Variants in MPPED1 observed in about 807,000 individuals in gnomAD.
MPPED1 encodes the protein metallophosphoesterase domain-containing protein 1.
In MPPED1, 16 loss-of-function variants were observed where a neutral mutation model predicts 36.2. The observed-to-expected ratio is 0.44, with a 90% CI of 0.30 to 0.67. The LOEUF is 0.67. MPPED1 is among the 30% of genes least tolerant of loss of function. The pLI is 0.10. For synonymous variants in MPPED1, 199 were observed against 191.3 expected, an observed-to-expected ratio of 1.04 and a Z score of -0.33; for missense variants, 307 against 453.4, an observed-to-expected ratio of 0.68 and a Z score of 2.93.
intron 2 of MPPED1, among the ~76,000 whole-genome samples, chr22:43,428,986 C>A (rs1425317479): frequency 6.6e-6 from 1 of 152,138 alleles, no homozygotes; most frequent in Admixed American, 6.5e-5. Context: ...CCAGGCACAG[C>A]AACTCCTCTC....
chr22:43,484,244 A>G (rs1931841881), intron 4 of MPPED1, among the ~76,000 whole-genome samples: 4 of 152,188 alleles, frequency 2.6e-5, no homozygotes, highest in Admixed American at 2.6e-4. Context: ...TGCCCCGTGT[A>G]TTGTCCCATG....
At chr22:43,436,978 G>A (rs1929983436) in intron 3 of MPPED1, among the ~76,000 whole-genome samples, 1 of 152,242 alleles carries the variant, frequency 6.6e-6, no homozygotes, top group Non-Finnish European at 1.5e-5. Flanking sequence ...TTGTAAAGGG[G>A]TCTTCCTTTT....
At chr22:43,495,537 AGATGGTGGTGG>A (rs1932268221) in intron 4 of MPPED1, among the ~76,000 whole-genome samples, 2 of 14,890 alleles carry the variant, frequency 1.3e-4, no homozygotes, top group Admixed American at 7.1e-4. Flanking sequence ...GTGGTGGTGG[AGATGGTGGTGG>A]TGGAGATGGT....
intron 3 of MPPED1, among the ~76,000 whole-genome samples, chr22:43,460,224 CAAAAACAAAAACAAAAACAAAAACAA>C (rs1249512570): frequency 3.5e-5 from 4 of 115,290 alleles, no homozygotes; most frequent in African/African-American, 9.3e-5. Context: ...AAAACAAAAA[CAAAAACAAAAACAAAAACAAAAACAA>C]AAACAAACCC....
chr22:43,474,785 G>A lies in MPPED1; in HGVS notation c.456G>A (p.Leu152=), dbSNP rs747065762. The change falls in exon 4 of 7, where the codon CTG becomes CTA. Residue 152 remains leucine (L), a synonymous_variant. Transcript: ENST00000443721. This position sits in a 1 kb window ranked among gnomAD's most constrained non-coding sequence, Gnocchi z 5.2. The part of the protein sequence containing the change: ...YKIVIAGNHE[L]TFDQEFMADL... ...TCGTGATCGCAGGCAACCACGAGCT[G>A]ACCTTTGACCAGGAGTTCATGGCCG... 3.7e-6 allele frequency: 6 copies of A among 1,613,966 alleles called. No homozygotes were observed. The South Asian group carries it at 6.6e-5, about 18-fold the overall frequency.
At chr22:43,479,517 C>T (rs544578044) in intron 4 of MPPED1, among the ~76,000 whole-genome samples, 12 of 152,324 alleles carry the variant, frequency 7.9e-5, no homozygotes, top group Admixed American at 3.3e-4. Flanking sequence ...CATAGGCAGG[C>T]GCCCAGGGGA....
At chr22:43,486,715 G>A (rs942953555) in intron 4 of MPPED1, among the ~76,000 whole-genome samples, 5 of 152,100 alleles carry the variant, frequency 3.3e-5, no homozygotes, top group African/African-American at 1.2e-4. Context: ...CCTGCACCCC[G>A]GGAAATGGGG....
At chr22:43,420,068 GC>G (rs1047017114) in intron 1 of MPPED1, among the ~76,000 whole-genome samples, 4 of 152,182 alleles carry the variant, frequency 2.6e-5, no homozygotes, top group African/African-American at 9.7e-5. Flanking sequence ...GGTTCACTGG[GC>G]CTTTATGGGC....
At chr22:43,429,886 G>A (rs566532170) in intron 2 of MPPED1, among the ~76,000 whole-genome samples, 8 of 152,312 alleles carry the variant, frequency 5.3e-5, no homozygotes, top group African/African-American at 7.2e-5. Context: ...TTTAGGAAGA[G>A]GGACCAGCAA....
In MPPED1 at chr22:43,507,084, T is replaced by G. The variant is rs1932827268; in HGVS notation, c.*1468T>G. ...TTCAAGGTAGGTACTTTAGTCCCAT[T>G]TTAGAGATGAGACGATTGAGGCCAG... On this transcript the variant is annotated 3_prime_UTR_variant, in exon 7 of 7. Coordinates refer to ENST00000443721, the MANE Select transcript of MPPED1 (RefSeq NM_001044370.2). 1 of 152,160 alleles carries G rather than the reference T, an allele frequency of 6.6e-6. No individual in the cohort carries two copies. The highest frequency in any genetic ancestry group is 2.1e-4 in the South Asian group (1 of 4,824). The allele number at this position is 152,160 out of a possible 1,614,324, so 9.4% of individuals were successfully genotyped here.
At chr22:43,481,725 T>G (rs2146893642) in intron 4 of MPPED1, among the ~76,000 whole-genome samples, 1 of 152,302 alleles carries the variant, frequency 6.6e-6, no homozygotes, top group East Asian at 1.9e-4. Context: ...CTGTGCCCCC[T>G]GCTGGCTTGC....
chr22:43,428,684 G>A (rs2146824362), intron 2 of MPPED1, among the ~76,000 whole-genome samples: 1 of 152,236 alleles, frequency 6.6e-6, no homozygotes, highest in South Asian at 2.1e-4. Context: ...GCCTCTGGTT[G>A]AGTCCTGTGA....
In MPPED1 at chr22:43,507,734, G is replaced by T. The variant is rs746171703; in HGVS notation, c.*2118G>T. ...AGAAAATTCATTAAAAGTCCTCGAGGTATGAAGATGACGGCGTGCTTCTCA... is the reference window on the plus strand; with the variant it reads ...AGAAAATTCATTAAAAGTCCTCGAGTTATGAAGATGACGGCGTGCTTCTCA... On this transcript the variant is annotated 3_prime_UTR_variant, in exon 7 of 7. Coordinates refer to ENST00000443721, the MANE Select transcript of MPPED1 (RefSeq NM_001044370.2). 10 of 152,104 alleles carry T rather than the reference G, an allele frequency of 6.6e-5. No homozygotes were observed. Among genetic ancestry groups the T allele is most frequent in the South Asian group, 2.1e-4 (1 of 4,816 alleles). The allele number at this position is 152,104 out of a possible 1,614,324, so 9.4% of individuals were successfully genotyped here.
At chr22:43,428,534 G>T (rs1381630139) in intron 2 of MPPED1, among the ~76,000 whole-genome samples, 2 of 152,218 alleles carry the variant, frequency 1.3e-5, no homozygotes, top group African/African-American at 4.8e-5. Flanking sequence ...CCTCCCAGGA[G>T]CGGTGGGGGG....
chr22:43,500,314 AGGTGGTGATGGTGGTGGTGGAGGTGGT>A (rs1932671151), intron 5 of MPPED1, among the ~76,000 whole-genome samples: 1 of 13,764 alleles, frequency 7.3e-5, no homozygotes, highest in Non-Finnish European at 1.6e-4. Flanking sequence ...ATGGTGATGG[AGGTGGTGATGGTGGTGGTGGAGGTGGT>A]GGTGGTGATG....
At chr22:43,417,700 G>A (rs996041559) in intron 1 of MPPED1, 2 of 191,732 alleles carry the variant, frequency 1.0e-5, no homozygotes, top group African/African-American at 4.7e-5. Flanking sequence ...GTGACATTTC[G>A]CCACATTGCA....
rs1930259708 is a variant in MPPED1 at position 43,444,341 on chromosome 22, G to A, written c.406+9126G>A. Among the ~76,000 whole-genome samples the A allele has an allele frequency of 5.5e-5, 8 of 146,122 alleles. No homozygotes were observed. The South Asian group carries it at 1.8e-3, about 33-fold the overall frequency. ...GTGTGTATCAAACATGTTATGCAGT[G>A]GTGTTTTTTTCTTTCTATCTATCTT... On this transcript the variant is annotated intron_variant, in intron 3 of 6. Coordinates refer to ENST00000443721, the MANE Select transcript of MPPED1 (RefSeq NM_001044370.2).
rs981893215 is a variant in MPPED1 at position 43,435,030 on chromosome 22, G to C, written c.225-4G>C. The C allele has an allele frequency of 6.2e-7, 1 of 1,613,062 alleles. No homozygotes were observed. The highest frequency in any genetic ancestry group is 8.5e-7 in the Non-Finnish European group (1 of 1,179,618). On this transcript the variant is annotated splice_region_variant and splice_polypyrimidine_tract_variant and intron_variant, in intron 2 of 6. Coordinates refer to ENST00000443721, the MANE Select transcript of MPPED1 (RefSeq NM_001044370.2). The stretch of plus-strand genomic sequence containing the variant: ...CTGATCCGCAGTGTCATCTCTCCCT[G>C]CAGGGTGGACCCGGTGCCTCACGAT...
intron 2 of MPPED1, among the ~76,000 whole-genome samples, chr22:43,428,288 C>T (rs542415345): frequency 2.7e-4 from 41 of 152,330 alleles, no homozygotes; most frequent in Non-Finnish European, 4.4e-5. Flanking sequence ...GGAGAGTTCC[C>T]GGCTTCTGCT....
Sources: gnomAD v4.1 joint callset for allele counts (sites outside exome capture counted in the v4.1 genomes callset) on GRCh38, gnomAD v4.1.1 for gene constraint, Gnocchi (gnomAD v3.1) non-coding constraint, MANE v1.5 for transcripts, NCBI Gene and HGNC (gene_info 2026-07-23, HGNC 2026-07-21) for gene names.